Variants in FOXP2 observed in about 807,000 individuals in gnomAD.
FOXP2 encodes forkhead box protein P2.
In FOXP2, 12 loss-of-function variants were observed where a neutral mutation model predicts 115.8. The ratio of observed to expected loss-of-function variants is 0.10; its 90% confidence interval spans 0.07 to 0.17. FOXP2 has a LOEUF of 0.17. Among genes scored for constraint, FOXP2 ranks in the 10% least tolerant of loss-of-function variants. The pLI is 1.00. For synonymous variants in FOXP2, 328 were observed against 297.7 expected (o/e 1.10, Z -1.05); for missense variants, 629 against 843.5 (o/e 0.75, Z 3.15).
intron 3 of FOXP2, among the ~76,000 whole-genome samples, chr7:114,580,585 C>CAAAAAT (rs1037976351): frequency 2.0e-5 from 3 of 151,462 alleles, no homozygotes; most frequent in African/African-American, 4.9e-5. Flanking sequence ...TGTCTCAAAA[C>CAAAAAT]AAAAACAAAA....
intron 2 of FOXP2, among the ~76,000 whole-genome samples, chr7:114,332,306 T>G: frequency 6.6e-6 from 1 of 152,206 alleles, no homozygotes; most frequent in East Asian, 1.9e-4. Context: ...TCCCCTGAGC[T>G]AAGCATAATT....
intron 3 of FOXP2, among the ~76,000 whole-genome samples, chr7:114,597,364 A>G (rs1045845347): frequency 5.9e-5 from 9 of 152,098 alleles, no homozygotes; most frequent in African/African-American, 1.9e-4. Context: ...GTATTTAAAA[A>G]TCTCTTTAAA....
intron 2 of FOXP2, among the ~76,000 whole-genome samples, chr7:114,361,859 G>C (rs900513284): frequency 6.6e-6 from 1 of 152,138 alleles, no homozygotes. Context: ...TCTTGATAAA[G>C]ATTGAAAAGT....
intron 2 of FOXP2, among the ~76,000 whole-genome samples, chr7:114,407,492 C>T (rs1306232457): frequency 6.6e-6 from 1 of 151,974 alleles, no homozygotes; most frequent in East Asian, 1.9e-4. Context: ...AAGTTGTTTA[C>T]CTGAAACACT....
At chr7:114,088,017 C>G (rs1378869995) in intron 1 of FOXP2, 2 of 152,134 alleles carry the variant, frequency 1.3e-5, no homozygotes, top group Non-Finnish European at 2.9e-5. Flanking sequence ...TCCGGAATCC[C>G]CAAAGACCTA....
chr7:114,406,351 A>G (rs914594033), intron 2 of FOXP2, among the ~76,000 whole-genome samples: 8 of 151,966 alleles, frequency 5.3e-5, no homozygotes, highest in Admixed American at 1.3e-4. Context: ...AGTTACAGTT[A>G]TTTTAACATT....
At chr7:114,208,049 C>T (rs1303420908) in intron 1 of FOXP2, among the ~76,000 whole-genome samples, 1 of 152,146 alleles carries the variant, frequency 6.6e-6, no homozygotes, top group Non-Finnish European at 1.5e-5. Flanking sequence ...GGGCCACTGT[C>T]CTCCAGACCC....
intron 2 of FOXP2, among the ~76,000 whole-genome samples, chr7:114,324,852 A>G (rs967374007): frequency 3.9e-5 from 6 of 151,962 alleles, no homozygotes; most frequent in African/African-American, 1.4e-4. Context: ...AGGGATTTAT[A>G]TGTTTTATTT....
chr7:114,677,901 G>A (rs1017391746), intron 16 of FOXP2, among the ~76,000 whole-genome samples: 1 of 152,160 alleles, frequency 6.6e-6, no homozygotes, highest in African/African-American at 2.4e-5. Flanking sequence ...AACACCTATT[G>A]TGTGCATCAT....
At chr7:114,273,241 G>A (rs1257202475) in intron 1 of FOXP2, among the ~76,000 whole-genome samples, 1 of 151,876 alleles carries the variant, frequency 6.6e-6, no homozygotes, top group African/African-American at 2.4e-5. Flanking sequence ...TACATATTTT[G>A]GGAATTTTAG....
intron 3 of FOXP2, among the ~76,000 whole-genome samples, chr7:114,620,173 A>G (rs149323982): frequency 4.6e-5 from 7 of 152,154 alleles, no homozygotes; most frequent in Non-Finnish European, 7.4e-5. Context: ...TTGCTGAAAC[A>G]AGGGGAGTTC....
At chr7:114,683,638 G>A (rs1294137906) in intron 16 of FOXP2, among the ~76,000 whole-genome samples, 1 of 152,216 alleles carries the variant, frequency 6.6e-6, no homozygotes, top group Non-Finnish European at 1.5e-5. Flanking sequence ...GACACAGTGT[G>A]AGTTGATCCT....
chr7:114,579,982 A>T (rs988525169), intron 3 of FOXP2, among the ~76,000 whole-genome samples: 2 of 152,192 alleles, frequency 1.3e-5, no homozygotes, highest in East Asian at 3.9e-4. Context: ...GGTTTATTTG[A>T]GGTAAAGTTT....
intron 2 of FOXP2, among the ~76,000 whole-genome samples, chr7:114,476,338 T>C (rs1796259191): frequency 6.6e-6 from 1 of 152,082 alleles, no homozygotes; most frequent in African/African-American, 2.4e-5. Context: ...CTTCTGAATA[T>C]GGCTAGCCAG....
intron 1 of FOXP2, among the ~76,000 whole-genome samples, chr7:114,090,648 T>C (rs999147499): frequency 1.3e-5 from 2 of 151,882 alleles, no homozygotes; most frequent in Non-Finnish European, 3.0e-5. Flanking sequence ...TCTGCAAATA[T>C]TCTAATGCCT....
intron 2 of FOXP2, among the ~76,000 whole-genome samples, chr7:114,314,011 A>G (rs1351150710): frequency 6.6e-6 from 1 of 151,788 alleles, no homozygotes; most frequent in African/African-American, 2.4e-5. Context: ...GTAATGTAAT[A>G]GAATAAATAG....
chr7:114,662,763 G>A (rs1036014026), intron 14 of FOXP2, among the ~76,000 whole-genome samples: 2 of 152,136 alleles, frequency 1.3e-5, no homozygotes, highest in East Asian at 3.9e-4. Flanking sequence ...AAAATTACTG[G>A]CTGGGAAGTT....
chr7:114,221,181 T>G (rs1794612122), intron 1 of FOXP2, among the ~76,000 whole-genome samples: 1 of 152,196 alleles, frequency 6.6e-6, no homozygotes, highest in Non-Finnish European at 1.5e-5. Context: ...TGTTCTTCAG[T>G]CACTATTTTC....
chr7:114,326,718 A>G (rs992671337), intron 2 of FOXP2, among the ~76,000 whole-genome samples: 1 of 152,192 alleles, frequency 6.6e-6, no homozygotes, highest in Non-Finnish European at 1.5e-5. Context: ...GAGCATGGCC[A>G]TGATAATAAT....
Sources: allele counts gnomAD v4.1 joint callset (sites outside exome capture counted in the v4.1 genomes callset), GRCh38; gene constraint gnomAD v4.1.1; transcripts MANE v1.5; gene names NCBI Gene and HGNC (gene_info 2026-07-23, HGNC 2026-07-21).